Variants in GMDS observed in about 807,000 individuals in gnomAD.
GMDS encodes the protein GDP-mannose 4,6-dehydratase.
GMDS carries 20 observed loss-of-function variants against 49.9 expected under a neutral mutation model. The ratio of observed to expected loss-of-function variants is 0.40; its 90% CI spans 0.28 to 0.58. GMDS has a LOEUF of 0.58. Ranked by LOEUF, GMDS falls within the 20% of genes least tolerant of loss-of-function variation. The pLI is 0.42. For synonymous variants in GMDS, 177 were observed against 178.6 expected, an observed-to-expected ratio of 0.99 and a Z score of 0.07; for missense variants, 362 against 481.4, an observed-to-expected ratio of 0.75 and a Z score of 2.32.
At chr6:1,825,901 A>T (rs971327654) in intron 7 of GMDS, among the ~76,000 whole-genome samples, 2 of 152,168 alleles carry the variant, frequency 1.3e-5, no homozygotes, top group Non-Finnish European at 2.9e-5. Flanking sequence ...ATGTAATCCC[A>T]GCTACTTGGG....
intron 4 of GMDS, among the ~76,000 whole-genome samples, chr6:2,093,870 T>C (rs2127478884): frequency 6.6e-6 from 1 of 152,316 alleles, no homozygotes; most frequent in East Asian, 1.9e-4. Context: ...TATGTCACTT[T>C]TGTATTATTA....
intron 7 of GMDS, among the ~76,000 whole-genome samples, chr6:1,805,089 G>A (rs890779745): frequency 2.0e-5 from 3 of 152,006 alleles, no homozygotes; most frequent in Non-Finnish European, 4.4e-5. Context: ...GGAGCTGATG[G>A]GTCTCTCTTC....
chr6:1,842,727 A>G (rs1757202380), intron 7 of GMDS, among the ~76,000 whole-genome samples: 1 of 152,078 alleles, frequency 6.6e-6, no homozygotes, highest in South Asian at 2.1e-4. Context: ...AAAATATCCT[A>G]TTTTGAGGGG....
chr6:1,948,321 G>A (rs1425099002), intron 6 of GMDS, among the ~76,000 whole-genome samples: 1 of 152,142 alleles, frequency 6.6e-6, no homozygotes, highest in African/African-American at 2.4e-5. Context: ...TTATTTTGAA[G>A]AAAAATTTCC....
intron 1 of GMDS, among the ~76,000 whole-genome samples, chr6:2,150,083 T>C (rs1055409810): frequency 2.0e-5 from 3 of 152,170 alleles, no homozygotes; most frequent in Non-Finnish European, 4.4e-5. Flanking sequence ...TTGTAAGTAT[T>C]TTATTATTTC....
At position 1,624,243 on chromosome 6, in the gene GMDS, G is replaced by A. The variant is rs986530095; in HGVS notation, c.1057-12C>T. The A allele has an allele frequency of 6.2e-7, 1 of 1,610,074 alleles. No individual in the cohort carries two copies. Among genetic ancestry groups the A allele is most frequent in the Middle Eastern group, 1.7e-4 (1 of 6,060 alleles). On this transcript the variant is annotated splice_polypyrimidine_tract_variant and intron_variant, in intron 10 of 10. Transcript: ENST00000380815. ...TCCCTCACCAGCTCCTGCAACACAG[G>A]GGTGGGCGTGAGGGAGGAGCTTCTG...
intron 4 of GMDS, among the ~76,000 whole-genome samples, chr6:2,085,741 T>C (rs1772975610): frequency 6.6e-6 from 1 of 152,158 alleles, no homozygotes; most frequent in Non-Finnish European, 1.5e-5. Flanking sequence ...TTTCCCAGGC[T>C]GGTCTCAAAC....
chr6:2,060,984 C>T (rs1373522570), intron 4 of GMDS, among the ~76,000 whole-genome samples: 5 of 151,460 alleles, frequency 3.3e-5, no homozygotes, highest in African/African-American at 1.2e-4. Flanking sequence ...CGCGCCACTC[C>T]AGCCTGGCAA....
intron 6 of GMDS, among the ~76,000 whole-genome samples, chr6:1,939,598 CAT>C (rs560755470): frequency 0.016 from 1,411 of 87,612 alleles, 20 homozygotes; most frequent in African/African-American, 0.046. Context: ...CACACACACA[CAT>C]ATACACATAC....
chr6:1,716,831 G>T (rs984496915), intron 9 of GMDS, among the ~76,000 whole-genome samples: 2 of 152,142 alleles, frequency 1.3e-5, no homozygotes, highest in African/African-American at 4.8e-5. Context: ...CCAAAGCCCT[G>T]CTCTAAAACT....
intron 6 of GMDS, among the ~76,000 whole-genome samples, chr6:1,954,504 G>T (rs7759496): frequency 3.3e-5 from 5 of 152,122 alleles, no homozygotes; most frequent in Non-Finnish European, 5.9e-5. Context: ...TTTCAGAATT[G>T]GAGTCAATCT....
At chr6:2,083,221 G>C (rs1772817031) in intron 4 of GMDS, among the ~76,000 whole-genome samples, 1 of 152,146 alleles carries the variant, frequency 6.6e-6, no homozygotes, top group Admixed American at 6.5e-5. Flanking sequence ...ACGATGTCGA[G>C]CACTTAGTAA....
chr6:1,631,512 C>A (rs1763000722), intron 9 of GMDS, among the ~76,000 whole-genome samples: 1 of 152,120 alleles, frequency 6.6e-6, no homozygotes, highest in South Asian at 2.1e-4. Flanking sequence ...TCCGCCCCAC[C>A]ACCACTGCTT....
chr6:1,793,919 A>G (rs1245624801), intron 7 of GMDS, among the ~76,000 whole-genome samples: 3 of 152,218 alleles, frequency 2.0e-5, no homozygotes, highest in African/African-American at 7.2e-5. Flanking sequence ...GCTTAGGTCT[A>G]TAGGACAGAG....
At chr6:1,710,949 A>C (rs116319917) in intron 9 of GMDS, among the ~76,000 whole-genome samples, 1 of 152,220 alleles carries the variant, frequency 6.6e-6, no homozygotes, top group East Asian at 1.9e-4. Flanking sequence ...GAACATTTAC[A>C]AAATACGTAC....
intron 4 of GMDS, among the ~76,000 whole-genome samples, chr6:2,106,602 C>T (rs772759815): frequency 6.6e-6 from 1 of 152,108 alleles, no homozygotes; most frequent in Non-Finnish European, 1.5e-5. Flanking sequence ...GTGGCTCATA[C>T]CTGTAATCCT....
intron 4 of GMDS, among the ~76,000 whole-genome samples, chr6:2,061,022 A>G (rs959735944): frequency 6.7e-6 from 1 of 148,874 alleles, no homozygotes; most frequent in African/African-American, 2.5e-5. Context: ...TAAAAAAACA[A>G]AAAAAAAAAA....
At chr6:1,831,723 G>A (rs1338552508) in intron 7 of GMDS, among the ~76,000 whole-genome samples, 1 of 152,126 alleles carries the variant, frequency 6.6e-6, no homozygotes, top group Non-Finnish European at 1.5e-5. Context: ...TGAAGGAGCT[G>A]AAGCCTGCTT....
intron 9 of GMDS, among the ~76,000 whole-genome samples, chr6:1,702,158 G>C (rs1765564969): frequency 6.6e-6 from 1 of 152,268 alleles, no homozygotes; most frequent in Non-Finnish European, 1.5e-5. Flanking sequence ...CCTGATGCAA[G>C]CTCGAGCTTT....
Sources: allele counts gnomAD v4.1 joint callset (sites outside exome capture counted in the v4.1 genomes callset), GRCh38; gene constraint gnomAD v4.1.1; transcripts MANE v1.5; gene names NCBI Gene and HGNC (gene_info 2026-07-23, HGNC 2026-07-21).